The following DPYD variants were observed in gnomAD, a reference collection of about 807,000 sequenced individuals.
DPYD encodes dihydropyrimidine dehydrogenase [NADP(+)].
A neutral mutation model predicts 116.2 loss-of-function variants in DPYD; 109 were observed. That is an observed-to-expected ratio of 0.94 (90% CI 0.80 to 1.10). DPYD has a LOEUF of 1.10. DPYD is among the 50% of genes least tolerant of loss of function. The pLI is 0.00. For synonymous variants in DPYD, 440 were observed against 432.0 expected (o/e 1.02, Z -0.23); for missense variants, 1,302 against 1,254.5 (o/e 1.04, Z -0.57).
chr1:97,376,362 T>A (rs773048239), intron 15 of DPYD, among the ~76,000 whole-genome samples: 2 of 151,896 alleles, frequency 1.3e-5, no homozygotes, highest in Non-Finnish European at 2.9e-5. Flanking sequence ...TATTTTAAAA[T>A]CACCTGTTCA....
At chr1:97,734,514 A>G (rs1303695112) in intron 4 of DPYD, among the ~76,000 whole-genome samples, 3 of 152,068 alleles carry the variant, frequency 2.0e-5, no homozygotes, top group African/African-American at 7.2e-5. Context: ...CTCCCCAATT[A>G]CTACTCCTAT....
At chr1:97,097,463 A>G in intron 21 of DPYD, among the ~76,000 whole-genome samples, 1 of 152,186 alleles carries the variant, frequency 6.6e-6, no homozygotes, top group African/African-American at 2.4e-5. Context: ...ATGGAGATGT[A>G]GGAGTAGAGT....
At chr1:97,632,647 T>C (rs1191039532) in intron 8 of DPYD, among the ~76,000 whole-genome samples, 5 of 152,140 alleles carry the variant, frequency 3.3e-5, no homozygotes, top group Non-Finnish European at 5.9e-5. Context: ...ACCCCAATCT[T>C]ACTTCTGACT....
chr1:97,682,496 T>C (rs1660479429), intron 7 of DPYD, among the ~76,000 whole-genome samples: 1 of 151,954 alleles, frequency 6.6e-6, no homozygotes, highest in Admixed American at 6.6e-5. Flanking sequence ...ATGCAAGAAA[T>C]AATCTATTCT....
chr1:97,702,106 T>C (rs1193759899), intron 5 of DPYD, among the ~76,000 whole-genome samples: 1 of 151,716 alleles, frequency 6.6e-6, no homozygotes, highest in African/African-American at 2.4e-5. Flanking sequence ...TTTTATTCCT[T>C]TCTAAGCAAT....
intron 1 of DPYD, among the ~76,000 whole-genome samples, chr1:97,916,156 T>C (rs1307430992): frequency 6.6e-6 from 1 of 152,220 alleles, no homozygotes; most frequent in Non-Finnish European, 1.5e-5. Flanking sequence ...CTTCTTAGTG[T>C]CCTTATCAAT....
At chr1:97,265,070 G>A (rs10783057) in intron 18 of DPYD, among the ~76,000 whole-genome samples, 48,484 of 151,882 alleles carry the variant, frequency 0.32, 8,185 homozygotes, top group Non-Finnish European at 0.37. Flanking sequence ...ATTAGATACT[G>A]GGAATCCTCG....
intron 10 of DPYD, among the ~76,000 whole-genome samples, chr1:97,586,508 ATATATATATATGCT>A (rs1654130007): frequency 8.8e-6 from 1 of 114,274 alleles, no homozygotes; most frequent in East Asian, 2.5e-4. Flanking sequence ...ATATATATAT[ATATATATATATGCT>A]GTGAAAAAAA....
At chr1:97,541,438 A>G (rs774796657) in intron 12 of DPYD, among the ~76,000 whole-genome samples, 1 of 152,210 alleles carries the variant, frequency 6.6e-6, no homozygotes, top group Admixed American at 6.5e-5. Context: ...ATTGCATTGT[A>G]TGATTCTCGA....
At chr1:97,323,556 T>C (rs1303480875) in intron 16 of DPYD, among the ~76,000 whole-genome samples, 1 of 111,998 alleles carries the variant, frequency 8.9e-6, no homozygotes, top group African/African-American at 3.3e-5. Context: ...TATACATATA[T>C]GTGTATATAT....
At chr1:97,413,977 A>G (rs751238278) in intron 14 of DPYD, among the ~76,000 whole-genome samples, 2 of 152,198 alleles carry the variant, frequency 1.3e-5, no homozygotes, top group Non-Finnish European at 2.9e-5. Context: ...ATGTATACAT[A>G]GAAGTTATAT....
At chr1:97,505,782 AT>A (rs1647282795) in intron 13 of DPYD, among the ~76,000 whole-genome samples, 1 of 152,016 alleles carries the variant, frequency 6.6e-6, no homozygotes, top group Non-Finnish European at 1.5e-5. Flanking sequence ...CTTTAATGAC[AT>A]TTTAAGCTAA....
At chr1:97,670,979 T>C (rs762361225) in intron 8 of DPYD, among the ~76,000 whole-genome samples, 1 of 151,952 alleles carries the variant, frequency 6.6e-6, no homozygotes, top group Non-Finnish European at 1.5e-5. Flanking sequence ...AATTCCTCCA[T>C]GTCTCCATCC....
chr1:97,284,415 G>T (rs1665527697), intron 18 of DPYD, among the ~76,000 whole-genome samples: 1 of 151,900 alleles, frequency 6.6e-6, no homozygotes, highest in African/African-American at 2.4e-5. Context: ...CATTTCAAAA[G>T]AATTAAGCTT....
intron 3 of DPYD, among the ~76,000 whole-genome samples, chr1:97,758,649 C>T (rs564593376): frequency 6.6e-6 from 1 of 152,304 alleles, no homozygotes; most frequent in South Asian, 2.1e-4. Flanking sequence ...AGCTTCTCCA[C>T]CCTGTAGTTC....
At position 97,592,568 on chromosome 1, in the gene DPYD, C is replaced by T. The variant is rs1654595677; in HGVS notation, c.1128+650G>A. ...ATTTTTAGTAGAGACGGGGTTTCAC[C>T]GTGTTAGTCAGGATGGTCTTGATCT... On this transcript the variant is annotated intron_variant, in intron 10 of 22. Transcript: ENST00000370192. 3.3e-5 allele frequency among the ~76,000 whole-genome samples: 5 copies of T among 152,104 alleles called. No individual in the cohort carries two copies. The South Asian group carries it at 8.3e-4, about 25-fold the overall frequency.
At chr1:97,735,557 G>A (rs1009051220) in intron 4 of DPYD, among the ~76,000 whole-genome samples, 2 of 150,394 alleles carry the variant, frequency 1.3e-5, no homozygotes, top group African/African-American at 2.4e-5. Flanking sequence ...GCGTGGTGGC[G>A]GGTGCCTGTA....
At chr1:97,516,064 A>G (rs1648214330) in intron 12 of DPYD, 123 bp from the exon 13 acceptor site, 5 of 1,051,220 alleles carry the variant, frequency 4.8e-6, no homozygotes, top group Non-Finnish European at 5.7e-6. Context: ...TCTGTTTACA[A>G]TGAAAAAAAC....
At chr1:97,623,114 G>A (rs1656722504) in intron 8 of DPYD, among the ~76,000 whole-genome samples, 1 of 152,062 alleles carries the variant, frequency 6.6e-6, no homozygotes, top group African/African-American at 2.4e-5. Flanking sequence ...AGTGAATGGA[G>A]TTAGTCCAAG....
Sources: gnomAD v4.1 joint callset for allele counts (sites outside exome capture counted in the v4.1 genomes callset) on GRCh38, gnomAD v4.1.1 for gene constraint, MANE v1.5 for transcripts, NCBI Gene and HGNC (gene_info 2026-07-23, HGNC 2026-07-21) for gene names.